Variants in LANCL2 observed in about 807,000 individuals in gnomAD.
LANCL2 encodes the protein LanC like glutathione S-transferase 2.
A neutral mutation model predicts 56.9 loss-of-function variants in LANCL2; 33 were observed. The observed-to-expected ratio is 0.58, with a 90% CI of 0.44 to 0.78. LANCL2 has a LOEUF of 0.78. Among genes scored for constraint, LANCL2 ranks in the 30% least tolerant of loss-of-function variants. The pLI, the probability that LANCL2 is intolerant of heterozygous loss-of-function variation, is 0.00. For synonymous variants in LANCL2, 233 were observed against 228.2 expected (o/e 1.02, Z -0.19); for missense variants, 562 against 580.2 (o/e 0.97, Z 0.32).
intron 1 of LANCL2, among the ~76,000 whole-genome samples, chr7:55,388,686 C>G (rs562649826): frequency 1.3e-5 from 2 of 152,326 alleles, no homozygotes; most frequent in African/African-American, 4.8e-5. Context: ...ACATCTCAGA[C>G]CTACATGGTA....
intron 1 of LANCL2, among the ~76,000 whole-genome samples, chr7:55,378,780 C>T (rs1325412586): frequency 6.6e-6 from 1 of 152,072 alleles, no homozygotes; most frequent in African/African-American, 2.4e-5. Context: ...AAGGTTTTTG[C>T]AATTAAATTC....
chr7:55,405,461 G>A (rs12535586), intron 5 of LANCL2, among the ~76,000 whole-genome samples: 46,888 of 150,940 alleles, frequency 0.31, 8,413 homozygotes, highest in East Asian at 0.55. Context: ...GTATTTTCCC[G>A]GGAAAATGTT....
At chr7:55,424,719 G>A (rs1202582485) in intron 6 of LANCL2, among the ~76,000 whole-genome samples, 1 of 152,216 alleles carries the variant, frequency 6.6e-6, no homozygotes, top group East Asian at 1.9e-4. Flanking sequence ...ACTGGTCCGT[G>A]GCCTGTTAGG....
chr7:55,393,827 G>T (rs1790219035), intron 2 of LANCL2, among the ~76,000 whole-genome samples: 2 of 152,148 alleles, frequency 1.3e-5, no homozygotes, highest in Non-Finnish European at 2.9e-5. Context: ...TCACTTACAG[G>T]ACCAAAGATA....
intron 1 of LANCL2, among the ~76,000 whole-genome samples, chr7:55,369,110 C>T (rs1338480036): frequency 6.6e-6 from 1 of 152,188 alleles, no homozygotes. Context: ...GGATTCTCCT[C>T]TGTAAGTTTG....
At chr7:55,391,769 GT>G in intron 1 of LANCL2, 23 bp from the exon 2 acceptor site, 1 of 1,268,400 alleles carries the variant, frequency 7.9e-7, no homozygotes, top group Non-Finnish European at 1.2e-6. Flanking sequence ...TGAAGTTAAA[GT>G]TATCTCTTCT....
intron 4 of LANCL2, 60 bp from the exon 5 acceptor site, chr7:55,401,114 T>C: frequency 6.9e-7 from 1 of 1,449,908 alleles, no homozygotes; most frequent in South Asian, 1.2e-5. Flanking sequence ...ATACTGTTAA[T>C]TAGACTACAA....
intron 7 of LANCL2, chr7:55,428,048 C>A: frequency 3.0e-6 from 1 of 338,292 alleles, no homozygotes. Flanking sequence ...ATAGAGCAGG[C>A]GTTTCGAGTT....
At chr7:55,394,992 G>A (rs1484972031) in intron 2 of LANCL2, among the ~76,000 whole-genome samples, 1 of 152,086 alleles carries the variant, frequency 6.6e-6, no homozygotes, top group African/African-American at 2.4e-5. Flanking sequence ...GTGTAGGGAA[G>A]GAAGGAAGCA....
At chr7:55,397,769 C>A (rs537646692) in intron 2 of LANCL2, among the ~76,000 whole-genome samples, 58 of 140,464 alleles carry the variant, frequency 4.1e-4, no homozygotes, top group Middle Eastern at 8.4e-3. Context: ...TTCTCAGATT[C>A]ATTTGAAGAC....
intron 5 of LANCL2, among the ~76,000 whole-genome samples, chr7:55,407,032 C>T (rs1278661683): frequency 6.6e-5 from 10 of 152,140 alleles, no homozygotes; most frequent in Non-Finnish European, 1.2e-4. Flanking sequence ...CATTGCCATA[C>T]GTGGGCTTGG....
At chr7:55,387,708 A>G (rs897430940) in intron 1 of LANCL2, among the ~76,000 whole-genome samples, 2 of 152,082 alleles carry the variant, frequency 1.3e-5, no homozygotes. Context: ...ATTACATACA[A>G]AATTCCTTTT....
intron 1 of LANCL2, among the ~76,000 whole-genome samples, chr7:55,369,499 A>G (rs1170334291): frequency 6.6e-6 from 1 of 152,186 alleles, no homozygotes; most frequent in Non-Finnish European, 1.5e-5. Flanking sequence ...ATTTTTTACA[A>G]TATTGGGCCA....
chr7:55,398,369 A>C, intron 2 of LANCL2, 54 bp from the exon 3 acceptor site: 1 of 1,304,406 alleles, frequency 7.7e-7, no homozygotes, highest in Non-Finnish European at 1.1e-6. Context: ...AATGTCCTGA[A>C]GATAAAAGGA....
chr7:55,403,039 C>T (rs1406196588), intron 5 of LANCL2, among the ~76,000 whole-genome samples: 9 of 152,068 alleles, frequency 5.9e-5, no homozygotes, highest in East Asian at 5.8e-4. Flanking sequence ...GACGGGGTGG[C>T]GGCCGGGCAG....
At chr7:55,417,451 CATG>C (rs1412203061) in intron 6 of LANCL2, among the ~76,000 whole-genome samples, 1 of 152,182 alleles carries the variant, frequency 6.6e-6, no homozygotes, top group Non-Finnish European at 1.5e-5. Flanking sequence ...TGTTTACCTA[CATG>C]ATATTACCAC....
intron 1 of LANCL2, among the ~76,000 whole-genome samples, chr7:55,366,845 A>G (rs569458662): frequency 7.2e-5 from 11 of 152,320 alleles, no homozygotes; most frequent in African/African-American, 2.6e-4. Context: ...GCAAAACCCA[A>G]ATACTTTTGT....
chr7:55,404,935 A>G (rs1487403127), intron 5 of LANCL2, among the ~76,000 whole-genome samples: 2 of 152,324 alleles, frequency 1.3e-5, no homozygotes, highest in Non-Finnish European at 2.9e-5. Context: ...CTTTCAAAGT[A>G]ACCAGAATTC....
chr7:55,389,036 G>A (rs1301807194), intron 1 of LANCL2, among the ~76,000 whole-genome samples: 4 of 152,186 alleles, frequency 2.6e-5, no homozygotes, highest in Non-Finnish European at 5.9e-5. Context: ...TTGTTTGTAT[G>A]TTTTTCTTTT....
Sources: allele counts gnomAD v4.1 joint callset (sites outside exome capture counted in the v4.1 genomes callset), GRCh38; gene constraint gnomAD v4.1.1; transcripts MANE v1.5; gene names NCBI Gene and HGNC (gene_info 2026-07-23, HGNC 2026-07-21).